The following CRACDL variants were observed in gnomAD, a reference collection of about 807,000 sequenced individuals.
CRACDL encodes CRACD-like protein.
A neutral mutation model predicts 70.6 loss-of-function variants in CRACDL; 26 were observed. The ratio of observed to expected loss-of-function variants is 0.37; its 90% CI spans 0.27 to 0.51. The LOEUF (loss-of-function observed/expected upper bound fraction) is 0.51. CRACDL is among the 20% of genes least tolerant of loss of function. The pLI is 0.94. For missense variants in CRACDL, 1,283 were observed against 1,376.9 expected (o/e 0.93, Z 1.08); for synonymous variants, 618 against 615.2 (o/e 1.00, Z -0.07).
At chr2:98,896,713 CT>C (rs1216451745) in intron 1 of CRACDL, among the ~76,000 whole-genome samples, 1 of 152,210 alleles carries the variant, frequency 6.6e-6, no homozygotes, top group African/African-American at 2.4e-5. Flanking sequence ...TTGTCAGTGA[CT>C]ACCAAGCTTG....
chr2:98,906,194 T>A (rs1013394859), intron 1 of CRACDL, among the ~76,000 whole-genome samples: 1 of 152,206 alleles, frequency 6.6e-6, no homozygotes, highest in East Asian at 1.9e-4. Flanking sequence ...TCACTGACAT[T>A]TTCTTCTGCC....
intron 7 of CRACDL, among the ~76,000 whole-genome samples, chr2:98,806,401 T>G (rs1704293674): frequency 6.6e-6 from 1 of 152,250 alleles, no homozygotes; most frequent in Admixed American, 6.5e-5. Context: ...ACCAGGCTCT[T>G]TTCCTGACTT....
intron 1 of CRACDL, among the ~76,000 whole-genome samples, chr2:98,880,875 G>A (rs1254735488): frequency 1.3e-5 from 2 of 152,232 alleles, no homozygotes; most frequent in African/African-American, 4.8e-5. Flanking sequence ...CCGCAAGGGG[G>A]AAGCCTTGCC....
intron 1 of CRACDL, among the ~76,000 whole-genome samples, chr2:98,924,436 A>G (rs1708869050): frequency 6.6e-6 from 1 of 152,258 alleles, no homozygotes; most frequent in Non-Finnish European, 1.5e-5. Context: ...GGGGTAATAC[A>G]TGAGGCTATA....
Position 98,795,068 on chromosome 2 carries a change from TATA to T in CRACDL, c.2750-400_2750-398del, listed in dbSNP as rs1559194946. 1.1e-4 allele frequency among the ~76,000 whole-genome samples: 7 copies of T among 64,250 alleles called. 1 individual carries two copies. In the Admixed American group the frequency reaches 1.1e-3, roughly 10 times the overall value. 42.2% of individuals were successfully genotyped at this position (64,250 alleles called of 152,430 possible). A position where few individuals can be genotyped will look rare whatever the true frequency, so the allele number is the denominator to read the frequency against. ...ATATATATATATATATATATATATA[TATA>T]TATATATTTTTTTTTTTTTTTGAGA... On this transcript the variant is annotated intron_variant, in intron 9 of 9. Coordinates refer to ENST00000397899, the MANE Select transcript of CRACDL (RefSeq NM_207362.3).
rs146721122 is a variant in CRACDL at position 98,911,375 on chromosome 2, G to A, written c.-11+24563C>T. On this transcript the variant is annotated intron_variant, in intron 1 of 9. Coordinates refer to ENST00000397899, the MANE Select transcript of CRACDL (RefSeq NM_207362.3). ...CCGGCAGAGGGATGTGGACAGGGTCGGAGTCCACAGCACTTAGCAAGGGGC... is the reference window on the plus strand; with the variant it reads ...CCGGCAGAGGGATGTGGACAGGGTCAGAGTCCACAGCACTTAGCAAGGGGC... Among the ~76,000 whole-genome samples, 26 of 152,272 alleles carry A rather than the reference G, an allele frequency of 1.7e-4. No individual in the cohort carries two copies. In the East Asian group the frequency reaches 4.8e-3, roughly 28 times the overall value.
chr2:98,811,976 CATTTGT>C (rs1704583756), intron 7 of CRACDL, among the ~76,000 whole-genome samples: 1 of 152,020 alleles, frequency 6.6e-6, no homozygotes, highest in Non-Finnish European at 1.5e-5. Flanking sequence ...GTGATTATGT[CATTTGT>C]ATTTTTACTT....
intron 1 of CRACDL, 132 bp from the exon 2 acceptor site, chr2:98,846,942 G>C (rs1706281468): frequency 2.8e-6 from 2 of 720,272 alleles, no homozygotes; most frequent in Non-Finnish European, 2.5e-6. Flanking sequence ...CCAGGGCAGA[G>C]TGCAGCACAG....
intron 6 of CRACDL, among the ~76,000 whole-genome samples, chr2:98,825,084 C>T (rs879489719): frequency 1.4e-5 from 2 of 143,200 alleles, no homozygotes; most frequent in Non-Finnish European, 3.2e-5. Flanking sequence ...GCACCTTGAT[C>T]CCTGAGAGGG....
At chr2:98,856,272 T>C (rs987742104) in intron 1 of CRACDL, among the ~76,000 whole-genome samples, 12 of 152,166 alleles carry the variant, frequency 7.9e-5, no homozygotes, top group Non-Finnish European at 1.8e-4. Flanking sequence ...GCTAATTTCT[T>C]ATCAGAAACA....
chr2:98,827,449 A>G (rs1244822626), intron 5 of CRACDL, among the ~76,000 whole-genome samples: 24 of 151,954 alleles, frequency 1.6e-4, no homozygotes, highest in Non-Finnish European at 2.2e-4. Context: ...CTGCCACCAC[A>G]CCCAGCTAAT....
rs558845382 is a variant in CRACDL, at chr2:98,850,202, A to G, written c.-10-3392T>C. Among the ~76,000 whole-genome samples the G allele has an allele frequency of 3.3e-5, 5 of 152,316 alleles. No individual in the cohort carries two copies. In the South Asian group the frequency reaches 1.0e-3, roughly 32 times the overall value. Reference sequence around the variant, plus strand: ...TGTGCTTCCTGATCCCCACCGCCCAATGGGCTCAAACCACTGCCAGGTAAG... The same window carrying G: ...TGTGCTTCCTGATCCCCACCGCCCAGTGGGCTCAAACCACTGCCAGGTAAG... On this transcript the variant is annotated intron_variant, in intron 1 of 9. Transcript: ENST00000397899.
At chr2:98,899,883 AG>A (rs201008533) in intron 1 of CRACDL, among the ~76,000 whole-genome samples, 107 of 120,066 alleles carry the variant, frequency 8.9e-4, no homozygotes, top group African/African-American at 3.5e-3. Context: ...GTGGGAGGGG[AG>A]GCAGATGGAC....
In CRACDL at chr2:98,861,343, AAAC is replaced by A. The variant is rs200078188; in HGVS notation, c.-10-14536_-10-14534del. Among the ~76,000 whole-genome samples the A allele has an allele frequency of 1.1e-3, 160 of 152,140 alleles. 3 individuals are homozygous for A. The East Asian group carries it at 0.021, about 20-fold the overall frequency. On this transcript the variant is annotated intron_variant, in intron 1 of 9. Coordinates refer to ENST00000397899, the MANE Select transcript of CRACDL (RefSeq NM_207362.3). ...GCGTGGGTGACAGAGCAGGTCTCAA[AAAC>A]AACAACAACAACAACAACAAAACCA...
At chr2:98,887,581 G>C (rs1052034593) in intron 1 of CRACDL, among the ~76,000 whole-genome samples, 4 of 152,148 alleles carry the variant, frequency 2.6e-5, no homozygotes, top group Non-Finnish European at 5.9e-5. Flanking sequence ...AAAGAGAAAG[G>C]TGCAGAAAGA....
At chr2:98,924,194 C>A (rs1708863047) in intron 1 of CRACDL, among the ~76,000 whole-genome samples, 1 of 152,206 alleles carries the variant, frequency 6.6e-6, no homozygotes, top group South Asian at 2.1e-4. Flanking sequence ...GATGCAGCCA[C>A]TCTGGTACCA....
At chr2:98,917,672 G>A (rs1573197693) in intron 1 of CRACDL, among the ~76,000 whole-genome samples, 2 of 152,032 alleles carry the variant, frequency 1.3e-5, no homozygotes, top group South Asian at 4.2e-4. Context: ...ACATTTAAAG[G>A]GTACAAGCAC....
At chr2:98,841,034 G>A (rs1706005156) in intron 2 of CRACDL, among the ~76,000 whole-genome samples, 1 of 151,984 alleles carries the variant, frequency 6.6e-6, no homozygotes, top group African/African-American at 2.4e-5. Flanking sequence ...TCCAAAATCT[G>A]AAAAAATCTG....
intron 1 of CRACDL, among the ~76,000 whole-genome samples, chr2:98,919,320 G>C (rs1409187760): frequency 6.6e-6 from 1 of 152,118 alleles, no homozygotes; most frequent in South Asian, 2.1e-4. Context: ...ATTCTTTTTA[G>C]GTTCCTTATT....
Sources: allele counts gnomAD v4.1 joint callset (sites outside exome capture counted in the v4.1 genomes callset), GRCh38; gene constraint gnomAD v4.1.1; transcripts MANE v1.5; gene names NCBI Gene and HGNC (gene_info 2026-07-23, HGNC 2026-07-21).